Variants in ZCCHC14 observed in about 807,000 individuals in gnomAD.
The protein encoded by ZCCHC14 is zinc finger CCHC domain-containing protein 14.
A neutral mutation model predicts 85.0 loss-of-function variants in ZCCHC14; 16 were observed. That is an observed-to-expected ratio of 0.19 (90% CI 0.13 to 0.29). The LOEUF (loss-of-function observed/expected upper bound fraction) is 0.29, where lower values mean the gene tolerates loss of function less well. ZCCHC14 is among the 10% of genes least tolerant of loss of function. The pLI, the probability that ZCCHC14 is intolerant of heterozygous loss-of-function variation, is 1.00. For synonymous variants in ZCCHC14, 775 were observed against 630.7 expected, an observed-to-expected ratio of 1.23 and a Z score of -3.43; for missense variants, 1,303 against 1,443.5, an observed-to-expected ratio of 0.90 and a Z score of 1.58.
intron 2 of ZCCHC14, among the ~76,000 whole-genome samples, chr16:87,454,743 C>G (rs2150754163): frequency 6.6e-6 from 1 of 152,300 alleles, no homozygotes; most frequent in African/African-American, 2.4e-5. Context: ...TTTCCTTTTC[C>G]TTTCTTAGAA....
rs751841830 is a variant in ZCCHC14 at position 87,412,667 on chromosome 16, C to G, written c.2054G>C (p.Ser685Thr). The G allele has an allele frequency of 5.0e-6, 8 of 1,614,132 alleles. No homozygotes were observed. In the Admixed American group the frequency reaches 1.3e-4, roughly 27 times the overall value. The change falls in exon 12 of 13, where the codon AGC (serine) becomes ACC (threonine). Residue 685 changes from serine (S) to threonine (T), a missense_variant. Ser to Thr is a moderately conservative substitution (Grantham distance 58). Transcript: ENST00000671377. The stretch of plus-strand genomic sequence containing the variant: ...GCCAAAGCTCTTGTCCACTTTCATG[C>G]TGCTTCTTGGTCCAGATCCTTTATT... ...ERNKGSGPRS[S>T]MKVDKSFGSA...
At chr16:87,429,797 G>A (rs1043735849) in intron 3 of ZCCHC14, among the ~76,000 whole-genome samples, 2 of 152,224 alleles carry the variant, frequency 1.3e-5, no homozygotes, top group Non-Finnish European at 2.9e-5. Flanking sequence ...ACTAGAGAGA[G>A]GGTTTTGCCA....
chr16:87,473,066 A>C (rs1567540573), intron 1 of ZCCHC14: 2 of 152,226 alleles, frequency 1.3e-5, no homozygotes, highest in Non-Finnish European at 2.9e-5. Context: ...AGAAACAGTG[A>C]GCTGCAACAG....
intron 2 of ZCCHC14, among the ~76,000 whole-genome samples, chr16:87,446,388 G>C (rs1443183820): frequency 6.6e-6 from 1 of 151,798 alleles, no homozygotes; most frequent in Non-Finnish European, 1.5e-5. Flanking sequence ...GGAGGCTGAG[G>C]TGAGAGAATC....
chr16:87,410,912 T>G (rs920424725), intron 12 of ZCCHC14, among the ~76,000 whole-genome samples: 3 of 152,194 alleles, frequency 2.0e-5, no homozygotes, highest in African/African-American at 7.2e-5. Context: ...GGTGGCACCA[T>G]GAGTTGTCAG....
chr16:87,491,585 G>A lies in ZCCHC14; in HGVS notation c.570+84C>T, dbSNP rs1238175376. Reference sequence around the variant, plus strand: ...GCAGGCTGGAGGCGTGGGTCGGGGGGTCGCGGTGCAGGCTGGAGGCTTGGA... The same window carrying A: ...GCAGGCTGGAGGCGTGGGTCGGGGGATCGCGGTGCAGGCTGGAGGCTTGGA... On this transcript the variant is annotated intron_variant, in intron 1 of 12. Transcript: ENST00000671377. This position sits in a 1 kb window ranked among gnomAD's most constrained non-coding sequence, Gnocchi z 5.9. 6 of 1,255,468 alleles carry A rather than the reference G, an allele frequency of 4.8e-6. No individual in the cohort carries two copies. The highest frequency in any genetic ancestry group is 4.0e-5 in the Admixed American group (1 of 24,854). The allele number at this position is 1,255,468 out of a possible 1,614,324, so 77.8% of individuals were successfully genotyped here.
Position 87,492,682 on chromosome 16 carries a change from C to A in ZCCHC14, c.-444G>T. ...AGGGTCTGTCACTGCGGGCCGCCCC[C>A]CGACGGAGCCGCCCCGGCCATGCCG... is the stretch of plus-strand genomic sequence containing the variant. On this transcript the variant is annotated 5_prime_UTR_variant, in exon 1 of 13. Coordinates refer to ENST00000671377, the MANE Select transcript of ZCCHC14 (RefSeq NM_015144.3). This position sits in a 1 kb window ranked among gnomAD's most constrained non-coding sequence, Gnocchi z 6.7. 1 of 145,886 alleles carries A rather than the reference C, an allele frequency of 6.9e-6. No individual in the cohort carries two copies. The highest frequency in any genetic ancestry group is 2.0e-4 in the South Asian group (1 of 4,950). The allele number at this position is 145,886 out of a possible 1,614,324, so 9.0% of individuals were successfully genotyped here. A position where few individuals can be genotyped will look rare whatever the true frequency, so the allele number is the denominator to read the frequency against.
chr16:87,466,739 TACTGTTCGTATG>T (rs1911538481), intron 1 of ZCCHC14, among the ~76,000 whole-genome samples: 1 of 152,184 alleles, frequency 6.6e-6, no homozygotes, highest in African/African-American at 2.4e-5. Flanking sequence ...AAGTCACAGG[TACTGTTCGTATG>T]ACTGTGGATT....
chr16:87,463,192 G>A (rs1200254259), intron 1 of ZCCHC14, among the ~76,000 whole-genome samples: 1 of 152,180 alleles, frequency 6.6e-6, no homozygotes, highest in African/African-American at 2.4e-5. Context: ...GGTCAGCCTA[G>A]GCAACATATT....
intron 1 of ZCCHC14, among the ~76,000 whole-genome samples, chr16:87,466,663 TGAA>T (rs1481821167): frequency 6.6e-6 from 1 of 152,196 alleles, no homozygotes; most frequent in Non-Finnish European, 1.5e-5. Flanking sequence ...GCGCTGAGCA[TGAA>T]GGAGACTTGA....
At chr16:87,464,136 G>T (rs1410383389) in intron 1 of ZCCHC14, among the ~76,000 whole-genome samples, 3 of 152,196 alleles carry the variant, frequency 2.0e-5, no homozygotes, top group African/African-American at 7.2e-5. Flanking sequence ...GAGACACAAA[G>T]GAAAGCCAGC....
chr16:87,411,350 T>A (rs1908422094), intron 12 of ZCCHC14, 166 bp downstream of exon 12: 7 of 1,501,440 alleles, frequency 4.7e-6, no homozygotes, highest in Non-Finnish European at 6.2e-6. Context: ...ACAGCAGTCC[T>A]TCTGGGGACC....
intron 1 of ZCCHC14, among the ~76,000 whole-genome samples, chr16:87,464,037 T>G (rs1911402138): frequency 6.6e-6 from 1 of 152,202 alleles, no homozygotes; most frequent in Admixed American, 6.5e-5. Context: ...TTGCTGGTAG[T>G]GGCAAACCTT....
In ZCCHC14 at chr16:87,410,432, T is replaced by C. The variant is rs528813435; in HGVS notation, c.3206-97A>G. On this transcript the variant is annotated intron_variant, in intron 12 of 12. Transcript: ENST00000671377. ...TCATGTCCAGAGCCACTGGGCAAGA[T>C]TCTGGTGCTGGAAATCTAGGCCACC... 4 of 587,276 alleles carry C rather than the reference T, an allele frequency of 6.8e-6. No individual in the cohort carries two copies. The South Asian group carries it at 9.3e-5, about 14-fold the overall frequency. The allele number at this position is 587,276 out of a possible 1,614,324, so 36.4% of individuals were successfully genotyped here.
In ZCCHC14 at chr16:87,492,488, CGGGGCGGCCG is replaced by C. The variant is rs1404523628; in HGVS notation, c.-260_-251del. Reference sequence around the variant, plus strand: ...GGGCGCCGGGGGGGCCCGGGGCGGCCGGGGCGGCCGGGGGCGGCGAGCGGCCTCGGGCCCC... The same window carrying C: ...GGGCGCCGGGGGGGCCCGGGGCGGCCGGGGCGGCGAGCGGCCTCGGGCCCC... On this transcript the variant is annotated 5_prime_UTR_variant, in exon 1 of 13. Coordinates refer to ENST00000671377, the MANE Select transcript of ZCCHC14 (RefSeq NM_015144.3). The surrounding 1 kb of genome is among the most constrained non-coding windows in gnomAD (Gnocchi z 6.7). 1.4e-5 allele frequency: 2 copies of C among 144,578 alleles called. No homozygotes were observed. The highest frequency in any genetic ancestry group is 2.5e-5 in the African/African-American group (1 of 40,396). The allele number at this position is 144,578 out of a possible 1,614,324, so 9.0% of individuals were successfully genotyped here.
intron 1 of ZCCHC14, among the ~76,000 whole-genome samples, chr16:87,476,420 T>C (rs1276547635): frequency 1.3e-5 from 2 of 152,124 alleles, no homozygotes; most frequent in Admixed American, 6.5e-5. Flanking sequence ...ATACTATATA[T>C]GTTGTGATGT....
Position 87,412,226 on chromosome 16 carries a change from G to C in ZCCHC14, c.2495C>G (p.Pro832Arg). ...GTTTGCACAGAAGCCACCCTGCAGGGGGCCCACTGGCATACTGCTCATTGC... is the reference window on the plus strand; with the variant it reads ...GTTTGCACAGAAGCCACCCTGCAGGCGGCCCACTGGCATACTGCTCATTGC... ...FSAMSSMPVG[P>R]LQGGFCANSN... The change falls in exon 12 of 13, where the codon CCC (proline) becomes CGC (arginine). Residue 832 changes from proline to arginine, a missense_variant. Pro to Arg is a moderately radical substitution (Grantham distance 103). Transcript: ENST00000671377. 2 of 1,612,538 alleles carry C rather than the reference G, an allele frequency of 1.2e-6. No homozygotes were observed. The highest frequency in any genetic ancestry group is 1.7e-6 in the Non-Finnish European group (2 of 1,178,784).
chr16:87,438,585 G>A (rs1910041945), intron 2 of ZCCHC14, among the ~76,000 whole-genome samples: 1 of 152,186 alleles, frequency 6.6e-6, no homozygotes, highest in Admixed American at 6.5e-5. Flanking sequence ...TGTTTAATGG[G>A]GATAGTAGCT....
At position 87,406,661 on chromosome 16, in the gene ZCCHC14, GCC is replaced by G. The variant is rs1274121272; in HGVS notation, c.*3617_*3618del. The G allele has an allele frequency of 6.6e-6, 1 of 152,272 alleles. No homozygotes were observed. The highest frequency in any genetic ancestry group is 1.5e-5 in the Non-Finnish European group (1 of 68,046). The allele number at this position is 152,272 out of a possible 1,614,324, so 9.4% of individuals were successfully genotyped here. A position where few individuals can be genotyped will look rare whatever the true frequency, so the allele number is the denominator to read the frequency against. On this transcript the variant is annotated 3_prime_UTR_variant, in exon 13 of 13. Coordinates refer to ENST00000671377, the MANE Select transcript of ZCCHC14 (RefSeq NM_015144.3). ...AACGCACGTGAGGCCGCGGCGGATGGCCACTGCCCCCTTCCTTGGTGAACAGT... is the reference window on the plus strand; with the variant it reads ...AACGCACGTGAGGCCGCGGCGGATGGACTGCCCCCTTCCTTGGTGAACAGT...
Sources: gnomAD v4.1 joint callset for allele counts (sites outside exome capture counted in the v4.1 genomes callset) on GRCh38, gnomAD v4.1.1 for gene constraint, Gnocchi (gnomAD v3.1) non-coding constraint, MANE v1.5 for transcripts, NCBI Gene and HGNC (gene_info 2026-07-23, HGNC 2026-07-21) for gene names.